RBFOX1: variants seen among roughly 807,000 people sequenced by gnomAD.
The protein encoded by RBFOX1 is RNA binding protein fox-1 homolog 1.
RBFOX1 carries 8 observed loss-of-function variants against 57.7 expected under a neutral mutation model. The observed-to-expected ratio is 0.14, with a 90% confidence interval of 0.08 to 0.25. The LOEUF (loss-of-function observed/expected upper bound fraction) is 0.25, where lower values mean the gene tolerates loss of function less well. RBFOX1 is among the 10% of genes least tolerant of loss of function. The pLI is 1.00. For missense variants in RBFOX1, 611 were observed against 548.5 expected (o/e 1.11, Z -1.14); for synonymous variants, 326 against 222.4 (o/e 1.47, Z -4.15).
intron 14 of RBFOX1, among the ~76,000 whole-genome samples, chr16:7,690,447 A>T (rs1225471969): frequency 6.6e-6 from 1 of 152,158 alleles, no homozygotes; most frequent in Non-Finnish European, 1.5e-5. Context: ...TACAATGTGC[A>T]GCCAAGGTTG....
At chr16:6,856,624 G>C (rs367572860) in intron 3 of RBFOX1, among the ~76,000 whole-genome samples, 8 of 152,146 alleles carry the variant, frequency 5.3e-5, no homozygotes, top group African/African-American at 1.9e-4. Flanking sequence ...TGAGAAGACA[G>C]TGATAAACCA....
chr16:6,198,480 A>G (rs1220355122), intron 1 of RBFOX1, among the ~76,000 whole-genome samples: 2 of 152,332 alleles, frequency 1.3e-5, no homozygotes, highest in East Asian at 3.9e-4. Flanking sequence ...AAAATAGAGG[A>G]CAATGAATGC....
chr16:5,934,491 G>C (rs909459673), intron 4 of RBFOX1, among the ~76,000 whole-genome samples: 5 of 152,186 alleles, frequency 3.3e-5, no homozygotes, highest in Admixed American at 6.5e-5. Context: ...AGACATCAGA[G>C]TGAAGCCAAG....
chr16:7,048,122 G>T (rs1161262998), intron 3 of RBFOX1, among the ~76,000 whole-genome samples: 2 of 152,004 alleles, frequency 1.3e-5, no homozygotes. Context: ...CAGGTGATCC[G>T]ACCCGCTTGG....
chr16:6,387,914 T>A (rs73532352), intron 2 of RBFOX1, among the ~76,000 whole-genome samples: 1,876 of 151,872 alleles, frequency 0.012, 37 homozygotes, highest in African/African-American at 0.042. Flanking sequence ...CCAGTCACTA[T>A]GACTGTTGAA....
intron 2 of RBFOX1, among the ~76,000 whole-genome samples, chr16:5,469,256 C>G (rs2151615992): frequency 6.6e-6 from 1 of 152,296 alleles, no homozygotes; most frequent in African/African-American, 2.4e-5. Context: ...AACATCCCAG[C>G]ACCTGTGCTC....
chr16:6,217,672 C>T (rs2097344755), intron 1 of RBFOX1, among the ~76,000 whole-genome samples: 1 of 152,194 alleles, frequency 6.6e-6, no homozygotes, highest in African/African-American at 2.4e-5. Context: ...TCATTTCTCA[C>T]TGTGCTTCAG....
At chr16:5,533,938 G>A (rs1319650608) in intron 2 of RBFOX1, among the ~76,000 whole-genome samples, 5 of 152,166 alleles carry the variant, frequency 3.3e-5, no homozygotes, top group African/African-American at 4.8e-5. Flanking sequence ...TTTAAGGAGA[G>A]CAGGAATTGT....
At chr16:6,542,460 A>G (rs948662786) in intron 2 of RBFOX1, among the ~76,000 whole-genome samples, 1 of 134,246 alleles carries the variant, frequency 7.4e-6, no homozygotes, top group Non-Finnish European at 1.6e-5. Context: ...CGCATGATCC[A>G]CTGCCCTGTG....
At chr16:7,172,461 C>T (rs2080885125) in intron 4 of RBFOX1, among the ~76,000 whole-genome samples, 1 of 152,138 alleles carries the variant, frequency 6.6e-6, no homozygotes, top group South Asian at 2.1e-4. Flanking sequence ...CTCTGTCTCC[C>T]ACAACCACCC....
intron 2 of RBFOX1, among the ~76,000 whole-genome samples, chr16:6,387,881 G>A (rs983575179): frequency 1.3e-5 from 2 of 151,776 alleles, no homozygotes; most frequent in African/African-American, 4.8e-5. Flanking sequence ...GCTTCCACCT[G>A]GCTCTGAGAA....
chr16:6,580,489 A>G (rs1401112258), intron 2 of RBFOX1, among the ~76,000 whole-genome samples: 4 of 152,014 alleles, frequency 2.6e-5, no homozygotes, highest in Non-Finnish European at 5.9e-5. Flanking sequence ...AAGATTAAAA[A>G]CTCCGTAAGA....
intron 3 of RBFOX1, among the ~76,000 whole-genome samples, chr16:7,041,390 G>T (rs1181494230): frequency 6.6e-6 from 1 of 152,090 alleles, no homozygotes; most frequent in Non-Finnish European, 1.5e-5. Flanking sequence ...TGGCTCTTAG[G>T]AGAAAAAGTT....
intron 2 of RBFOX1, among the ~76,000 whole-genome samples, chr16:6,576,088 C>T (rs539953349): frequency 5.9e-5 from 9 of 152,028 alleles, no homozygotes; most frequent in East Asian, 1.9e-4. Flanking sequence ...ACCTTCATAC[C>T]GCATTGTTTA....
At chr16:6,071,833 C>T (rs936251674) in intron 1 of RBFOX1, among the ~76,000 whole-genome samples, 1 of 152,156 alleles carries the variant, frequency 6.6e-6, no homozygotes, top group Non-Finnish European at 1.5e-5. Flanking sequence ...TAGAATCATG[C>T]AATGTTTATC....
At chr16:6,792,970 A>C (rs943166871) in intron 3 of RBFOX1, among the ~76,000 whole-genome samples, 2 of 151,400 alleles carry the variant, frequency 1.3e-5, no homozygotes, top group Non-Finnish European at 2.9e-5. Context: ...CAGAGGTTGC[A>C]GTGAGCTGAG....
At chr16:7,495,788 C>G (rs1460766146) in intron 4 of RBFOX1, among the ~76,000 whole-genome samples, 1 of 152,138 alleles carries the variant, frequency 6.6e-6, no homozygotes, top group Non-Finnish European at 1.5e-5. Flanking sequence ...ACCAAAATCT[C>G]AGAAATCCGC....
At chr16:7,162,875 A>G (rs1399265414) in intron 4 of RBFOX1, among the ~76,000 whole-genome samples, 1 of 152,204 alleles carries the variant, frequency 6.6e-6, no homozygotes, top group East Asian at 1.9e-4. Context: ...AGTGTGGGGT[A>G]TTCCCTGGTC....
intron 3 of RBFOX1, among the ~76,000 whole-genome samples, chr16:7,001,530 C>A (rs535251924): frequency 6.6e-6 from 1 of 152,056 alleles, no homozygotes; most frequent in Admixed American, 6.6e-5. Context: ...GATCTCAACT[C>A]GTTGCAACCT....
Sources: allele counts gnomAD v4.1 joint callset (sites outside exome capture counted in the v4.1 genomes callset), GRCh38; gene constraint gnomAD v4.1.1; transcripts MANE v1.5; gene names NCBI Gene and HGNC (gene_info 2026-07-23, HGNC 2026-07-21).